SSPN: variants seen among roughly 807,000 people sequenced by gnomAD.
The protein encoded by SSPN is sarcospan.
A neutral mutation model predicts 19.1 loss-of-function variants in SSPN; 15 were observed. That is an observed-to-expected ratio of 0.78 (90% CI 0.52 to 1.21). The LOEUF (loss-of-function observed/expected upper bound fraction) is 1.21, where lower values mean the gene tolerates loss of function less well. Ranked by LOEUF, SSPN falls within the 50% of genes most tolerant of loss-of-function variation. SSPN has a pLI of 0.00. For synonymous variants in SSPN, 147 were observed against 140.3 expected, an observed-to-expected ratio of 1.05 and a Z score of -0.34; for missense variants, 291 against 314.0, an observed-to-expected ratio of 0.93 and a Z score of 0.55.
At chr12:26,158,152 T>C (rs1169323322) in intron 1 of SSPN, among the ~76,000 whole-genome samples, 1 of 152,212 alleles carries the variant, frequency 6.6e-6, no homozygotes, top group Non-Finnish European at 1.5e-5. Context: ...TGATCTTAAA[T>C]GCTAACTCCT....
intron 1 of SSPN, among the ~76,000 whole-genome samples, chr12:26,137,809 G>A (rs1159649538): frequency 2.7e-5 from 4 of 150,250 alleles, no homozygotes; most frequent in African/African-American, 4.9e-5. Flanking sequence ...GGATTACAGG[G>A]GCCCCACCAC....
intron 1 of SSPN, chr12:26,125,701 C>A (rs1293148938): frequency 6.6e-6 from 1 of 151,960 alleles, no homozygotes; most frequent in Non-Finnish European, 1.5e-5. Flanking sequence ...GCCGGAATTG[C>A]GGTGCCACTA....
intron 1 of SSPN, among the ~76,000 whole-genome samples, chr12:26,128,307 T>C (rs925529307): frequency 6.6e-6 from 1 of 152,218 alleles, no homozygotes; most frequent in Non-Finnish European, 1.5e-5. Context: ...TTGGAGCTGA[T>C]GACAGAGATA....
At chr12:26,201,017 A>ATATATATATATATATAT (rs1944873401) in intron 1 of SSPN, among the ~76,000 whole-genome samples, 4 of 47,452 alleles carry the variant, frequency 8.4e-5, no homozygotes, top group Admixed American at 5.1e-4. Context: ...TTGTGTATAT[A>ATATATATATATATATAT]TATATATATA....
chr12:26,149,982 C>G (rs546069041), intron 1 of SSPN, among the ~76,000 whole-genome samples: 1 of 152,252 alleles, frequency 6.6e-6, no homozygotes, highest in South Asian at 2.1e-4. Flanking sequence ...GTCAATACTT[C>G]CTCACATCTT....
Position 26,195,641 on chromosome 12 carries a change from G to GCTGGCCCCC in SSPN, c.-31_-30insTGGCCCCCC. 7 of 1,105,396 alleles carry GCTGGCCCCC rather than the reference G, an allele frequency of 6.3e-6. No homozygotes were observed. The highest frequency in any genetic ancestry group is 6.8e-6 in the Non-Finnish European group (6 of 878,116). The allele number at this position is 1,105,396 out of a possible 1,614,324, so 68.5% of individuals were successfully genotyped here. A position where few individuals can be genotyped will look rare whatever the true frequency, so the allele number is the denominator to read the frequency against. ...CTCCAGGGCCCAGGGCGCCGCACAC[G>GCTGGCCCCC]CACCCACCCACCCACCCAGCCTCGC... On this transcript the variant is annotated 5_prime_UTR_variant, in exon 1 of 3. Transcript: ENST00000242729.
At chr12:26,130,884 G>A (rs1944393676) in intron 1 of SSPN, among the ~76,000 whole-genome samples, 1 of 143,854 alleles carries the variant, frequency 7.0e-6, no homozygotes, top group South Asian at 2.2e-4. Context: ...AACTGAGCAA[G>A]GTCTCTTAAG....
Position 26,159,498 on chromosome 12 carries a change from G to A in SSPN, c.-31+37346G>A, listed in dbSNP as rs1172397400. ...GCACTCAGATGAAGATCCCACAGGT[G>A]GGGCAGGTAGAACAGTGCAAGGGGG... is the stretch of plus-strand genomic sequence containing the variant. On this transcript the variant is annotated intron_variant, in intron 1 of 2. Transcript: ENST00000538142. Among the ~76,000 whole-genome samples the A allele has an allele frequency of 2.6e-5, 4 of 152,326 alleles. No individual in the cohort carries two copies. The East Asian group carries it at 5.8e-4, about 22-fold the overall frequency.
chr12:26,123,606 GCTGGCCTCCCTGAA>G (rs2137388322), intron 1 of SSPN: 1 of 1,536,936 alleles, frequency 6.5e-7, no homozygotes, highest in Admixed American at 1.7e-5. Flanking sequence ...ATCAGGGTAG[GCTGGCCTCCCTGAA>G]CTGACTTACC....
At chr12:26,163,474 C>G (rs922131064) in intron 1 of SSPN, among the ~76,000 whole-genome samples, 1 of 152,136 alleles carries the variant, frequency 6.6e-6, no homozygotes, top group Non-Finnish European at 1.5e-5. Flanking sequence ...ATTTATTTCT[C>G]ACAGTTCTAG....
At chr12:26,196,052 G>A (rs1330027466) in intron 1 of SSPN, 101 bp downstream of exon 1, 16 of 1,019,374 alleles carry the variant, frequency 1.6e-5, no homozygotes, top group Non-Finnish European at 5.3e-6. Flanking sequence ...CCCTTCCCCG[G>A]GTTCACTCTT....
intron 1 of SSPN, among the ~76,000 whole-genome samples, chr12:26,172,741 T>C (rs1274395237): frequency 6.6e-6 from 1 of 152,066 alleles, no homozygotes; most frequent in African/African-American, 2.4e-5. Flanking sequence ...TTAATCATTC[T>C]GTTACATGGA....
chr12:26,127,605 C>G (rs1944374152), intron 1 of SSPN, among the ~76,000 whole-genome samples: 1 of 152,172 alleles, frequency 6.6e-6, no homozygotes, highest in South Asian at 2.1e-4. Context: ...ACATATTCAC[C>G]TTTTAACTCA....
chr12:26,211,723 G>A (rs935118122), intron 1 of SSPN: 16 of 152,194 alleles, frequency 1.1e-4, no homozygotes, highest in African/African-American at 3.9e-4. Flanking sequence ...CACAGTGTGT[G>A]CTGAGAAACA....
At chr12:26,143,321 G>A (rs6487532) in intron 1 of SSPN, among the ~76,000 whole-genome samples, 85,357 of 152,048 alleles carry the variant, frequency 0.56, 27,101 homozygotes, top group Non-Finnish European at 0.7. Context: ...TATTAATAGC[G>A]TGCTTATTAT....
chr12:26,192,260 G>C (rs1944793976), upstream of SSPN, among the ~76,000 whole-genome samples: 1 of 152,148 alleles, frequency 6.6e-6, no homozygotes, highest in Non-Finnish European at 1.5e-5. Flanking sequence ...TATGGAAGCA[G>C]CCAAGAGTAT....
At chr12:26,174,011 A>C (rs145518535) in intron 1 of SSPN, among the ~76,000 whole-genome samples, 1 of 152,222 alleles carries the variant, frequency 6.6e-6, no homozygotes, top group Non-Finnish European at 1.5e-5. Flanking sequence ...TAAATTTTTT[A>C]AGTGAACCAT....
At chr12:26,124,020 G>T in intron 1 of SSPN, 2 of 1,218,562 alleles carry the variant, frequency 1.6e-6, no homozygotes, top group South Asian at 2.4e-5. Context: ...AGTCGCACCA[G>T]ACTATTAACA....
At chr12:26,208,444 G>A (rs969605151) in intron 1 of SSPN, among the ~76,000 whole-genome samples, 3 of 151,718 alleles carry the variant, frequency 2.0e-5, no homozygotes, top group African/African-American at 4.8e-5. Context: ...TGGGTTGTTC[G>A]TTTCTTATTT....
Sources: gnomAD v4.1 joint callset for allele counts (sites outside exome capture counted in the v4.1 genomes callset) on GRCh38, gnomAD v4.1.1 for gene constraint, MANE v1.5 for transcripts, NCBI Gene and HGNC (gene_info 2026-07-23, HGNC 2026-07-21) for gene names.